The following VAT1L variants were observed in gnomAD, a reference collection of about 807,000 sequenced individuals.
VAT1L encodes vesicle amine transport 1 like, also known as putative NADPH-dependent quinone oxidoreductase VAT1L.
VAT1L carries 34 observed loss-of-function variants against 44.1 expected under a neutral mutation model. The ratio of observed to expected loss-of-function variants is 0.77; its 90% CI spans 0.59 to 1.03. The LOEUF is 1.03. Ranked by LOEUF, VAT1L falls within the 50% of genes least tolerant of loss-of-function variation. The probability of loss-of-function intolerance (pLI) is 0.00; values close to 1 mark genes in which losing one functional copy is unlikely to be tolerated. For missense variants in VAT1L, 615 were observed against 538.8 expected (o/e 1.14, Z -1.40); for synonymous variants, 253 against 202.2 (o/e 1.25, Z -2.13).
chr16:77,856,462 T>C (rs1429190331), intron 3 of VAT1L, among the ~76,000 whole-genome samples: 1 of 152,158 alleles, frequency 6.6e-6, no homozygotes, highest in East Asian at 1.9e-4. Flanking sequence ...AGCTAAAAAC[T>C]GCTCCTTACT....
At chr16:77,806,993 G>A (rs879826323) in intron 1 of VAT1L, among the ~76,000 whole-genome samples, 1 of 152,164 alleles carries the variant, frequency 6.6e-6, no homozygotes, top group Admixed American at 6.5e-5. Flanking sequence ...CCTGATCCCA[G>A]CAGGTTCTTT....
chr16:77,963,947 C>T (rs1391982013), intron 7 of VAT1L, among the ~76,000 whole-genome samples: 4 of 152,170 alleles, frequency 2.6e-5, no homozygotes, highest in Non-Finnish European at 4.4e-5. Context: ...ACAAAAGGGC[C>T]TTCCGTGGTG....
chr16:77,880,700 G>A (rs1234639992), intron 6 of VAT1L, among the ~76,000 whole-genome samples: 1 of 141,138 alleles, frequency 7.1e-6, no homozygotes, highest in African/African-American at 2.6e-5. Flanking sequence ...GGGTACAAAT[G>A]ATCCTCTCAT....
chr16:77,788,796 C>A lies in VAT1L; in HGVS notation c.114C>A (p.Asp38Glu). The change falls in exon 1 of 9, where the codon GAC (aspartate) becomes GAA (glutamate). Residue 38 changes from aspartate to glutamate, a missense_variant. Asp to Glu is a conservative substitution (Grantham distance 45). Coordinates refer to ENST00000302536, the MANE Select transcript of VAT1L (RefSeq NM_020927.3). ...GCGACGGCTCGCACCGCCTCGGGGA[C>A]GCCCAGGAGATGCGCGCGGTGGTGC... ...GGGDGSHRLGDAQEMRAVVLA... is the reference protein window; with the variant it reads ...GGGDGSHRLGEAQEMRAVVLA... The A allele has an allele frequency of 6.4e-7, 1 of 1,570,032 alleles. No individual in the cohort carries two copies. The highest frequency in any genetic ancestry group is 1.2e-5 in the South Asian group (1 of 85,402).
rs549091675 is a variant in VAT1L, at chr16:77,802,601, G to A, written c.233+13686G>A. 1.5e-4 allele frequency among the ~76,000 whole-genome samples: 22 copies of A among 148,080 alleles called. No individual in the cohort carries two copies. In the East Asian group the frequency reaches 3.6e-3, roughly 24 times the overall value. On this transcript the variant is annotated intron_variant, in intron 1 of 8. Transcript: ENST00000302536. ...TGCACTCCAGTCTGGGCAACAGAGC[G>A]AGACCCCATCTCAAACACACACACA...
intron 2 of VAT1L, among the ~76,000 whole-genome samples, chr16:77,821,766 A>C (rs1040846538): frequency 1.3e-5 from 2 of 151,624 alleles, no homozygotes; most frequent in Admixed American, 6.6e-5. Flanking sequence ...GCCAGCACAC[A>C]AGCAGCTCTC....
intron 3 of VAT1L, among the ~76,000 whole-genome samples, chr16:77,854,487 C>T (rs1386303651): frequency 6.6e-6 from 1 of 152,092 alleles, no homozygotes; most frequent in Non-Finnish European, 1.5e-5. Flanking sequence ...CAAATGACAG[C>T]GTGATCTGAA....
intron 7 of VAT1L, among the ~76,000 whole-genome samples, chr16:77,923,457 T>A (rs1009513647): frequency 6.6e-6 from 1 of 151,992 alleles, no homozygotes; most frequent in Non-Finnish European, 1.5e-5. Flanking sequence ...CATGGATGAA[T>A]GAATGAATGG....
At chr16:77,855,337 C>T (rs1044916554) in intron 3 of VAT1L, among the ~76,000 whole-genome samples, 4 of 146,160 alleles carry the variant, frequency 2.7e-5, no homozygotes, top group African/African-American at 7.8e-5. Flanking sequence ...GAGACTCCAT[C>T]TCAGAAAAAA....
chr16:77,886,815 T>C lies in VAT1L; in HGVS notation c.1077+2013T>C, dbSNP rs76166496. ...CTTAGTTTCCACAGAGCAATGTTGC[T>C]TAACTTATTTTTCATTGTTGCTCCT... On this transcript the variant is annotated intron_variant, in intron 7 of 8. Transcript: ENST00000302536. 3.8e-3 allele frequency among the ~76,000 whole-genome samples: 584 copies of C among 152,330 alleles called. 4 individuals carry two copies. The highest frequency in any genetic ancestry group is 0.013 in the African/African-American group (547 of 41,580).
intron 7 of VAT1L, among the ~76,000 whole-genome samples, chr16:77,926,676 TA>T (rs199740781): frequency 0.014 from 2,121 of 152,244 alleles, 38 homozygotes; most frequent in Non-Finnish European, 0.022. Flanking sequence ...TATTTCAGGA[TA>T]AAAACTAAGG....
intron 1 of VAT1L, among the ~76,000 whole-genome samples, chr16:77,813,028 T>C (rs999722030): frequency 3.9e-5 from 6 of 152,158 alleles, no homozygotes; most frequent in African/African-American, 7.2e-5. Context: ...TTTTACTCCA[T>C]TTGTGGGCCT....
At chr16:77,936,349 G>A (rs2017796252) in intron 7 of VAT1L, among the ~76,000 whole-genome samples, 1 of 152,148 alleles carries the variant, frequency 6.6e-6, no homozygotes, top group Non-Finnish European at 1.5e-5. Context: ...ACTTGCCCAG[G>A]ATGACTACAG....
chr16:77,837,157 G>A (rs150347437), intron 3 of VAT1L, among the ~76,000 whole-genome samples: 14 of 152,270 alleles, frequency 9.2e-5, no homozygotes, highest in Non-Finnish European at 1.6e-4. Context: ...TGAGATGGAA[G>A]GGATTTCACT....
intron 7 of VAT1L, among the ~76,000 whole-genome samples, chr16:77,919,009 A>T (rs1207892448): frequency 1.3e-5 from 2 of 152,200 alleles, no homozygotes; most frequent in Non-Finnish European, 2.9e-5. Context: ...AGTCGTGGCT[A>T]TGTAAACAGT....
At chr16:77,794,257 T>C (rs566950947) in intron 1 of VAT1L, among the ~76,000 whole-genome samples, 1 of 152,296 alleles carries the variant, frequency 6.6e-6, no homozygotes, top group Admixed American at 6.5e-5. Context: ...ATACAACTGC[T>C]AAGATTCAAA....
chr16:77,906,590 C>T (rs1173136170), intron 7 of VAT1L, among the ~76,000 whole-genome samples: 2 of 152,198 alleles, frequency 1.3e-5, no homozygotes, highest in Non-Finnish European at 2.9e-5. Context: ...TTATCAAAGG[C>T]AGCTACTGCT....
intron 4 of VAT1L, among the ~76,000 whole-genome samples, chr16:77,868,795 G>A (rs980011059): frequency 6.6e-6 from 1 of 152,150 alleles, no homozygotes; most frequent in Non-Finnish European, 1.5e-5. Context: ...CATTTGGGCT[G>A]GGATCATTCT....
At chr16:77,942,052 A>G (rs2017891745) in intron 7 of VAT1L, among the ~76,000 whole-genome samples, 1 of 152,104 alleles carries the variant, frequency 6.6e-6, no homozygotes, top group Non-Finnish European at 1.5e-5. Flanking sequence ...TTTGATTCGC[A>G]TTTCTCTAAT....
Sources: allele counts gnomAD v4.1 joint callset (sites outside exome capture counted in the v4.1 genomes callset), GRCh38; gene constraint gnomAD v4.1.1; transcripts MANE v1.5; gene names NCBI Gene and HGNC (gene_info 2026-07-23, HGNC 2026-07-21).